The following NME7 variants were observed in gnomAD, a reference collection of about 807,000 sequenced individuals.
NME7 encodes the protein nucleoside diphosphate kinase 7.
In NME7, 41 loss-of-function variants were observed where a neutral mutation model predicts 49.1. That is an observed-to-expected ratio of 0.83 (90% CI 0.65 to 1.08). The LOEUF (loss-of-function observed/expected upper bound fraction) is 1.08, where lower values mean the gene tolerates loss of function less well. Ranked by LOEUF, NME7 falls within the 50% of genes least tolerant of loss-of-function variation. The pLI is 0.00. For synonymous variants in NME7, 139 were observed against 150.6 expected (o/e 0.92, Z 0.56); for missense variants, 423 against 463.4 (o/e 0.91, Z 0.80).
At chr1:169,182,927 G>A (rs1051474537) in intron 10 of NME7, among the ~76,000 whole-genome samples, 14 of 152,124 alleles carry the variant, frequency 9.2e-5, no homozygotes, top group South Asian at 2.1e-4. Flanking sequence ...AAGGAACCCC[G>A]AAGAACATCC....
chr1:169,224,079 C>T (rs1661228577), intron 10 of NME7, among the ~76,000 whole-genome samples: 1 of 152,144 alleles, frequency 6.6e-6, no homozygotes, highest in African/African-American at 2.4e-5. Flanking sequence ...CATGAAGATG[C>T]TCTTCTCATC....
rs74770447 is a variant in NME7 at position 169,149,035 on chromosome 1, T to C, written c.1099-16218A>G. Among the ~76,000 whole-genome samples the C allele has an allele frequency of 7.0e-3, 1,062 of 152,310 alleles. 15 individuals are homozygous for C. Among genetic ancestry groups the C allele is most frequent in the African/African-American group, 0.024 (998 of 41,568 alleles). On this transcript the variant is annotated intron_variant, in intron 11 of 11. Coordinates refer to ENST00000367811, the MANE Select transcript of NME7 (RefSeq NM_013330.5). ...ATAAGAGCACTAGTGAGCATATCTA[T>C]TTGTTAGTTTTAAGTAATATTTAAC... is the stretch of plus-strand genomic sequence containing the variant.
In NME7 at chr1:169,268,370, A is replaced by G. The variant is rs1649383350; in HGVS notation, c.754+18933T>C. On this transcript the variant is annotated intron_variant, in intron 7 of 11. Transcript: ENST00000367811. The stretch of plus-strand genomic sequence containing the variant: ...TGTAAATTAGTTCAGCTATTGTGGA[A>G]GACAGTGTGGCGATTCCTCAAAGGC... Among the ~76,000 whole-genome samples, 2 of 133,988 alleles carry G rather than the reference A, an allele frequency of 1.5e-5. 1 individual carries two copies. Among genetic ancestry groups the G allele is most frequent in the Non-Finnish European group, 3.5e-5 (2 of 56,958 alleles). 87.9% of individuals were successfully genotyped at this position (133,988 alleles called of 152,430 possible).
intron 1 of NME7, among the ~76,000 whole-genome samples, chr1:169,354,351 T>C (rs1653299932): frequency 1.3e-5 from 2 of 151,916 alleles, no homozygotes; most frequent in Admixed American, 6.6e-5. Flanking sequence ...ATTGAACTCA[T>C]GGAGATAGAG....
intron 4 of NME7, among the ~76,000 whole-genome samples, chr1:169,308,861 A>C (rs1240517830): frequency 6.6e-6 from 1 of 152,150 alleles, no homozygotes; most frequent in East Asian, 1.9e-4. Flanking sequence ...TTAGATAGGT[A>C]TATTTACCTA....
At chr1:169,316,383 C>G (rs1651628116) in intron 3 of NME7, among the ~76,000 whole-genome samples, 1 of 152,090 alleles carries the variant, frequency 6.6e-6, no homozygotes, top group East Asian at 1.9e-4. Context: ...CAAGCCTAAC[C>G]AATAAAGAAC....
intron 3 of NME7, among the ~76,000 whole-genome samples, chr1:169,315,233 C>CGTTT (rs1651569889): frequency 6.6e-6 from 1 of 151,248 alleles, no homozygotes; most frequent in Admixed American, 6.6e-5. Context: ...CAACTGCAGA[C>CGTTT]TAAACATTCC....
intron 1 of NME7, among the ~76,000 whole-genome samples, chr1:169,348,665 AAAAGCCATTTCACAAAGCCATTTCAC>A (rs937624635): frequency 3.3e-5 from 5 of 152,200 alleles, no homozygotes; most frequent in Middle Eastern, 3.4e-3. Flanking sequence ...ATCCTGCCCA[AAAAGCCATTTCACAAAGCCATTTCAC>A]AAAGCCATTT....
intron 1 of NME7, 34 bp from the exon 2 acceptor site, chr1:169,324,534 C>T (rs1363895436): frequency 2.3e-6 from 3 of 1,312,842 alleles, no homozygotes; most frequent in East Asian, 4.6e-5. Context: ...TTAACACTAA[C>T]ATATAAAGAA....
intron 10 of NME7, among the ~76,000 whole-genome samples, chr1:169,183,629 A>T (rs1021633663): frequency 6.6e-6 from 1 of 151,900 alleles, no homozygotes; most frequent in African/African-American, 2.4e-5. Context: ...GTGAAACCCC[A>T]TCTCTACTGA....
intron 1 of NME7, among the ~76,000 whole-genome samples, chr1:169,333,686 T>C (rs565112830): frequency 6.6e-6 from 1 of 152,094 alleles, no homozygotes; most frequent in East Asian, 1.9e-4. Flanking sequence ...ACACAGCTTA[T>C]AAACAGAGGT....
intron 7 of NME7, among the ~76,000 whole-genome samples, chr1:169,257,492 A>C (rs996508049): frequency 7.8e-6 from 1 of 128,808 alleles, no homozygotes; most frequent in South Asian, 2.4e-4. Context: ...TGAACCCAGT[A>C]CCTCAGATGT....
chr1:169,356,608 C>G (rs1653476134), intron 1 of NME7, among the ~76,000 whole-genome samples: 1 of 152,086 alleles, frequency 6.6e-6, no homozygotes, highest in African/African-American at 2.4e-5. Context: ...TGAATAGTCA[C>G]CAACTCTGTG....
intron 10 of NME7, among the ~76,000 whole-genome samples, chr1:169,181,216 T>G (rs1313390671): frequency 1.3e-5 from 2 of 152,052 alleles, no homozygotes; most frequent in African/African-American, 4.8e-5. Flanking sequence ...TGTTGCCCAC[T>G]TATCCTCCAC....
At chr1:169,309,026 A>G (rs576654896) in intron 4 of NME7, among the ~76,000 whole-genome samples, 1 of 152,188 alleles carries the variant, frequency 6.6e-6, no homozygotes, top group Non-Finnish European at 1.5e-5. Flanking sequence ...TTAATTTTAT[A>G]CAGTGTGTTA....
chr1:169,270,988 T>C lies in NME7; in HGVS notation c.754+16315A>G. 1.5e-5 allele frequency among the ~76,000 whole-genome samples: 2 copies of C among 134,086 alleles called. 1 individual carries two copies. Among genetic ancestry groups the C allele is most frequent in the Non-Finnish European group, 3.5e-5 (2 of 56,968 alleles). 88.0% of individuals were successfully genotyped at this position (134,086 alleles called of 152,430 possible). ...TAAACACATTGCATAATTTTTAAAGTAAAAAGAACACAAGAACATTCACCT... is the reference window on the plus strand; with the variant it reads ...TAAACACATTGCATAATTTTTAAAGCAAAAAGAACACAAGAACATTCACCT... On this transcript the variant is annotated intron_variant, in intron 7 of 11. Transcript: ENST00000367811.
chr1:169,363,556 C>T (rs1380756237), intron 1 of NME7, among the ~76,000 whole-genome samples: 2 of 152,218 alleles, frequency 1.3e-5, no homozygotes, highest in African/African-American at 4.8e-5. Context: ...GGTCTGGCCT[C>T]TGCCTACCTC....
At chr1:169,318,161 C>A (rs1301783326) in intron 3 of NME7, among the ~76,000 whole-genome samples, 1 of 152,178 alleles carries the variant, frequency 6.6e-6, no homozygotes. Context: ...TTTCCTCAGG[C>A]AGGCCTCAAG....
chr1:169,160,706 T>C (rs931681725), intron 11 of NME7, among the ~76,000 whole-genome samples: 11 of 152,222 alleles, frequency 7.2e-5, no homozygotes, highest in Non-Finnish European at 1.3e-4. Flanking sequence ...GGTTTTACCA[T>C]TAAACTTATG....
Sources: allele counts gnomAD v4.1 joint callset (sites outside exome capture counted in the v4.1 genomes callset), GRCh38; gene constraint gnomAD v4.1.1; transcripts MANE v1.5; gene names NCBI Gene and HGNC (gene_info 2026-07-23, HGNC 2026-07-21).